The following CLYBL variants were observed in gnomAD, a reference collection of about 807,000 sequenced individuals.
CLYBL encodes the protein citramalyl-CoA lyase, also known as citramalyl-CoA lyase, mitochondrial.
In CLYBL, 31 loss-of-function variants were observed where a neutral mutation model predicts 38.9. The observed-to-expected ratio is 0.80, with a 90% CI of 0.60 to 1.08. The LOEUF (loss-of-function observed/expected upper bound fraction) is 1.08. Among genes scored for constraint, CLYBL ranks in the 50% least tolerant of loss-of-function variants. The pLI is 0.00. For missense variants in CLYBL, 434 were observed against 411.6 expected, an observed-to-expected ratio of 1.05 and a Z score of -0.47; for synonymous variants, 171 against 158.6, an observed-to-expected ratio of 1.08 and a Z score of -0.59.
intron 1 of CLYBL, among the ~76,000 whole-genome samples, chr13:99,722,703 G>A (rs924557674): frequency 6.6e-6 from 1 of 152,196 alleles, no homozygotes; most frequent in Non-Finnish European, 1.5e-5. Flanking sequence ...GTTATACGTA[G>A]AGAGTTCCCA....
chr13:99,709,076 G>C (rs966539627), intron 1 of CLYBL, among the ~76,000 whole-genome samples: 5 of 151,996 alleles, frequency 3.3e-5, no homozygotes, highest in Non-Finnish European at 7.4e-5. Context: ...CTGGGCGGCA[G>C]AGCGAGACTC....
At chr13:99,790,705 G>C (rs2049896937) in intron 2 of CLYBL, among the ~76,000 whole-genome samples, 1 of 152,106 alleles carries the variant, frequency 6.6e-6, no homozygotes, top group Non-Finnish European at 1.5e-5. Context: ...TTCATTTCTT[G>C]GAGAAGTCTC....
At chr13:99,766,671 T>C (rs1484052396) in intron 1 of CLYBL, among the ~76,000 whole-genome samples, 2 of 152,210 alleles carry the variant, frequency 1.3e-5, no homozygotes, top group African/African-American at 4.8e-5. Flanking sequence ...TGGATACATT[T>C]GCTTAGAGGC....
At chr13:99,846,120 C>G (rs2051198609) in intron 2 of CLYBL, among the ~76,000 whole-genome samples, 1 of 151,880 alleles carries the variant, frequency 6.6e-6, no homozygotes, top group East Asian at 1.9e-4. Context: ...TGCACTCCAG[C>G]CTGGGCCAGC....
intron 1 of CLYBL, among the ~76,000 whole-genome samples, chr13:99,632,726 AG>A (rs1464318010): frequency 6.6e-6 from 1 of 151,594 alleles, no homozygotes; most frequent in African/African-American, 2.4e-5. Flanking sequence ...GCCTGGTGAC[AG>A]AGTGAGACTC....
chr13:99,801,828 C>T (rs1382792677), intron 2 of CLYBL, among the ~76,000 whole-genome samples: 2 of 151,958 alleles, frequency 1.3e-5, no homozygotes, highest in African/African-American at 4.8e-5. Context: ...ACCAGCCTGA[C>T]CAACATGGAG....
rs534793107 is a variant in CLYBL at position 99,712,437 on chromosome 13, C to T, written c.63-60387C>T. Reference sequence around the variant, plus strand: ...GTGACCTCTGCCTCCTGGGCTCAAGCGATCCTCCCGCCTCAGCCTCCCAAG... The same window carrying T: ...GTGACCTCTGCCTCCTGGGCTCAAGTGATCCTCCCGCCTCAGCCTCCCAAG... On this transcript the variant is annotated intron_variant, in intron 1 of 8. Transcript: ENST00000339105. Among the ~76,000 whole-genome samples the T allele has an allele frequency of 2.0e-3, 297 of 149,708 alleles. 1 individual carries two copies. The highest frequency in any genetic ancestry group is 3.0e-3 in the Non-Finnish European group (205 of 67,566).
chr13:99,700,703 G>A (rs200746301), intron 1 of CLYBL, among the ~76,000 whole-genome samples: 11 of 152,170 alleles, frequency 7.2e-5, no homozygotes, highest in African/African-American at 2.7e-4. Context: ...TTTGCGTTTT[G>A]TGGATGGAGT....
intron 2 of CLYBL, among the ~76,000 whole-genome samples, chr13:99,804,163 T>C (rs1316279970): frequency 3.9e-5 from 6 of 152,214 alleles, no homozygotes; most frequent in Non-Finnish European, 5.9e-5. Flanking sequence ...GAATTAGCAG[T>C]GCACAAAGGC....
intron 2 of CLYBL, among the ~76,000 whole-genome samples, chr13:99,797,560 TTG>T (rs3033584): frequency 2.4e-4 from 34 of 141,766 alleles, no homozygotes; most frequent in Admixed American, 1.3e-3. Flanking sequence ...TGTTAGCTGT[TTG>T]TGTGTGTGTG....
chr13:99,621,202 A>G (rs1303378446), intron 1 of CLYBL, among the ~76,000 whole-genome samples: 3 of 152,000 alleles, frequency 2.0e-5, no homozygotes. Context: ...CTTGGACAGC[A>G]TAAATTTCCC....
Position 99,863,005 on chromosome 13 carries a change from T to C in CLYBL, c.453T>C (p.Phe151=). 6.2e-7 allele frequency: 1 copy of C among 1,608,400 alleles called. No individual in the cohort carries two copies. The highest frequency in any genetic ancestry group is 8.5e-7 in the Non-Finnish European group (1 of 1,176,666). The part of the protein sequence containing the change: ...PEEIQWFADK[F]SFHLKGRKLE... ...TCTGATTTTAGTTTGCAGACAAATT[T>C]TCATTCCACTTAAAAGGCCGAAAAC... is the stretch of plus-strand genomic sequence containing the variant. Residue 151 remains phenylalanine (F), a synonymous_variant, in exon 4 of 9, where the codon TTT becomes TTC. Transcript: ENST00000339105.
chr13:99,808,305 C>G (rs1020329436), intron 2 of CLYBL, among the ~76,000 whole-genome samples: 1 of 152,044 alleles, frequency 6.6e-6, no homozygotes, highest in African/African-American at 2.4e-5. Context: ...AGACTGGTCT[C>G]AAACTCCTGG....
At chr13:99,819,766 A>G (rs1013760732) in intron 2 of CLYBL, among the ~76,000 whole-genome samples, 3 of 151,894 alleles carry the variant, frequency 2.0e-5, no homozygotes, top group East Asian at 1.9e-4. Flanking sequence ...TGTCCTTTGC[A>G]TTCTACTCAC....
intron 2 of CLYBL, among the ~76,000 whole-genome samples, chr13:99,856,178 T>C (rs946041256): frequency 6.6e-6 from 1 of 152,204 alleles, no homozygotes; most frequent in Non-Finnish European, 1.5e-5. Flanking sequence ...AATCCGACTT[T>C]AGATAAAAAT....
At chr13:99,617,129 A>G (rs921348921) in intron 1 of CLYBL, among the ~76,000 whole-genome samples, 15 of 152,148 alleles carry the variant, frequency 9.9e-5, no homozygotes, top group Non-Finnish European at 1.9e-4. Flanking sequence ...TTTGCAGGAC[A>G]CTTTTCAGTA....
At chr13:99,767,162 C>T (rs575778771) in intron 1 of CLYBL, among the ~76,000 whole-genome samples, 1 of 152,120 alleles carries the variant, frequency 6.6e-6, no homozygotes, top group East Asian at 1.9e-4. Flanking sequence ...GCCTGGTGAT[C>T]GGCATAATGT....
intron 1 of CLYBL, 83 bp downstream of exon 1, chr13:99,606,840 G>A: frequency 7.7e-7 from 1 of 1,303,868 alleles, no homozygotes; most frequent in African/African-American, 1.6e-5. Context: ...GGCCGGGCGC[G>A]GCCTCCCCAA....
At chr13:99,891,166 C>T (rs1021734972) in intron 7 of CLYBL, 152 bp from the exon 8 acceptor site, 3 of 596,948 alleles carry the variant, frequency 5.0e-6, no homozygotes, top group African/African-American at 3.7e-5. Context: ...AGTGTTTCCT[C>T]TGTAATTTAC....
Sources: allele counts gnomAD v4.1 joint callset (sites outside exome capture counted in the v4.1 genomes callset), GRCh38; gene constraint gnomAD v4.1.1; transcripts MANE v1.5; gene names NCBI Gene and HGNC (gene_info 2026-07-23, HGNC 2026-07-21).